TNIK: variants seen among roughly 807,000 people sequenced by gnomAD.
TNIK encodes the protein TRAF2 and NCK-interacting protein kinase.
TNIK carries 49 observed loss-of-function variants against 191.3 expected under a neutral mutation model. The observed-to-expected ratio is 0.26, with a 90% confidence interval of 0.20 to 0.32. TNIK has a LOEUF of 0.32. Ranked by LOEUF, TNIK falls within the 10% of genes least tolerant of loss-of-function variation. The probability of loss-of-function intolerance (pLI) is 1.00; values close to 1 mark genes in which losing one functional copy is unlikely to be tolerated. For synonymous variants in TNIK, 594 were observed against 600.9 expected, an observed-to-expected ratio of 0.99 and a Z score of 0.17; for missense variants, 1,155 against 1,702.3, an observed-to-expected ratio of 0.68 and a Z score of 5.66.
intron 2 of TNIK, among the ~76,000 whole-genome samples, chr3:171,261,387 T>G (rs1456539252): frequency 1.3e-5 from 2 of 152,212 alleles, no homozygotes; most frequent in African/African-American, 4.8e-5. Flanking sequence ...CCTCTTCTCC[T>G]TATACATAAT....
intron 2 of TNIK, among the ~76,000 whole-genome samples, chr3:171,326,022 CA>C (rs1372640965): frequency 6.6e-6 from 1 of 152,030 alleles, no homozygotes; most frequent in Non-Finnish European, 1.5e-5. Context: ...TTCGTGGGTT[CA>C]AATTTGTTTA....
At chr3:171,264,111 C>CATAT (rs1167898609) in intron 2 of TNIK, among the ~76,000 whole-genome samples, 201 of 61,002 alleles carry the variant, frequency 3.3e-3, no homozygotes, top group East Asian at 8.0e-3. Context: ...CACACACACA[C>CATAT]ATATATATAT....
chr3:171,110,793 G>A lies in TNIK; in HGVS notation c.2205C>T (p.Thr735=). The part of the protein sequence containing the change: ...TSSGSSSSSS[T]PSSQPSSQGG... ...CTTGGGAGCTGGGCTGGGAGCTAGG[G>A]GTGCTGGAGCTGGAGGAACTGCCAC... The change falls in exon 19 of 33, where the codon ACC becomes ACT. Residue 735 remains threonine (T), a synonymous_variant. Coordinates refer to ENST00000436636, the MANE Select transcript of TNIK (RefSeq NM_015028.4). 1 of 1,604,388 alleles carries A rather than the reference G, an allele frequency of 6.2e-7. No homozygotes were observed. The highest frequency in any genetic ancestry group is 1.7e-5 in the Admixed American group (1 of 58,874).
At chr3:171,295,026 A>AG (rs1752115781) in intron 2 of TNIK, among the ~76,000 whole-genome samples, 1 of 150,628 alleles carries the variant, frequency 6.6e-6, no homozygotes, top group Admixed American at 6.6e-5. Context: ...AGAGAGAGAG[A>AG]GGAAAAAAAA....
intron 1 of TNIK, among the ~76,000 whole-genome samples, chr3:171,402,610 C>T (rs1340016046): frequency 6.6e-6 from 1 of 152,130 alleles, no homozygotes; most frequent in Non-Finnish European, 1.5e-5. Flanking sequence ...CTATAATATC[C>T]TTACATCAAG....
At chr3:171,390,406 G>A (rs780942044) in intron 1 of TNIK, among the ~76,000 whole-genome samples, 18 of 152,288 alleles carry the variant, frequency 1.2e-4, no homozygotes, top group South Asian at 6.2e-4. Context: ...GCCTCTTTTT[G>A]TACCTCTGGT....
In TNIK at chr3:171,213,507, G is replaced by A. The variant is rs973434202; in HGVS notation, c.181-2266C>T. On this transcript the variant is annotated intron_variant, in intron 3 of 32. Coordinates refer to ENST00000436636, the MANE Select transcript of TNIK (RefSeq NM_015028.4). ...TCCTGGATTCTTAGCAGGATAGTGG[G>A]TGATGTGGGAAAGACAGGGGAGGGG... Among the ~76,000 whole-genome samples, 6 of 152,080 alleles carry A rather than the reference G, an allele frequency of 3.9e-5. No individual in the cohort carries two copies. The East Asian group carries it at 9.6e-4, about 24-fold the overall frequency.
intron 18 of TNIK, among the ~76,000 whole-genome samples, chr3:171,119,805 G>T (rs1039950452): frequency 1.3e-5 from 2 of 152,134 alleles, no homozygotes; most frequent in Non-Finnish European, 2.9e-5. Context: ...TGTGGGGTTG[G>T]GGGGAGGGAG....
At chr3:171,142,731 C>T (rs1731008831) in intron 12 of TNIK, among the ~76,000 whole-genome samples, 1 of 152,044 alleles carries the variant, frequency 6.6e-6, no homozygotes, top group South Asian at 2.1e-4. Flanking sequence ...GATTACAGAC[C>T]CAAAACAGAG....
intron 10 of TNIK, 119 bp downstream of exon 10, chr3:171,166,976 C>A: frequency 7.9e-7 from 1 of 1,273,182 alleles, no homozygotes. Flanking sequence ...GACAGCCCCT[C>A]GCACTAAAGA....
chr3:171,174,782 A>G (rs1238252297), intron 9 of TNIK, among the ~76,000 whole-genome samples: 3 of 152,218 alleles, frequency 2.0e-5, no homozygotes, highest in African/African-American at 7.2e-5. Flanking sequence ...AGTAAAAACA[A>G]AAAAACTGCA....
intron 9 of TNIK, among the ~76,000 whole-genome samples, chr3:171,169,363 G>A (rs550708932): frequency 1.3e-5 from 2 of 151,912 alleles, no homozygotes; most frequent in African/African-American, 2.4e-5. Flanking sequence ...TGCCTCTCAC[G>A]TTCAAGTGAT....
chr3:171,329,982 T>C (rs931747412), intron 2 of TNIK, among the ~76,000 whole-genome samples: 9 of 152,168 alleles, frequency 5.9e-5, no homozygotes, highest in Admixed American at 1.3e-4. Flanking sequence ...TTGTCACAGA[T>C]GGGGGAAAGG....
At position 171,108,169 on chromosome 3, in the gene TNIK, G is replaced by GA. The variant is rs773199959; in HGVS notation, c.2285-8dup. The GA allele has an allele frequency of 1.1e-5, 17 of 1,526,434 alleles. No individual in the cohort carries two copies. Among genetic ancestry groups the GA allele is most frequent in the Admixed American group, 4.6e-5 (2 of 43,778 alleles). The allele number at this position is 1,526,434 out of a possible 1,614,324, so 94.6% of individuals were successfully genotyped here. The stretch of plus-strand genomic sequence containing the variant: ...CCTTCTGACTTACTGTTGGCTAGAG[G>GA]AAAAAAACAGAGGACCAAGAAAGAG... On this transcript the variant is annotated splice_polypyrimidine_tract_variant and splice_region_variant and intron_variant, in intron 19 of 32. Coordinates refer to ENST00000436636, the MANE Select transcript of TNIK (RefSeq NM_015028.4).
chr3:171,219,064 T>A (rs1314339347), intron 3 of TNIK, among the ~76,000 whole-genome samples: 10 of 128,968 alleles, frequency 7.8e-5, no homozygotes, highest in African/African-American at 2.9e-4. Flanking sequence ...TATAATATAT[T>A]AAATATATAA....
intron 26 of TNIK, among the ~76,000 whole-genome samples, chr3:171,083,715 G>A (rs114848264): frequency 6.0e-4 from 91 of 151,484 alleles, no homozygotes; most frequent in Admixed American, 4.7e-3. Flanking sequence ...TTTTCAGCTT[G>A]AAATAAAGGT....
At chr3:171,210,919 G>A (rs6803357) in intron 4 of TNIK, among the ~76,000 whole-genome samples, 197 bp downstream of exon 4, 37,869 of 150,510 alleles carry the variant, frequency 0.25, 5,382 homozygotes, top group East Asian at 0.5. Context: ...AGGGATAGAA[G>A]GAACATTTAG....
At chr3:171,066,801 T>G in intron 30 of TNIK, 66 bp from the exon 31 acceptor site, 7 of 1,515,106 alleles carry the variant, frequency 4.6e-6, no homozygotes, top group Non-Finnish European at 6.2e-6. Flanking sequence ...TATTCATCTC[T>G]AACAACTGCA....
chr3:171,278,459 C>G (rs1750032128), intron 2 of TNIK, among the ~76,000 whole-genome samples: 1 of 151,950 alleles, frequency 6.6e-6, no homozygotes. Flanking sequence ...TCAAAGATAT[C>G]CTATAGATAC....
Sources: allele counts gnomAD v4.1 joint callset (sites outside exome capture counted in the v4.1 genomes callset), GRCh38; gene constraint gnomAD v4.1.1; transcripts MANE v1.5; gene names NCBI Gene and HGNC (gene_info 2026-07-23, HGNC 2026-07-21).